EYS: variants seen among roughly 807,000 people sequenced by gnomAD.
EYS encodes protein eyes shut homolog.
In EYS, 250 loss-of-function variants were observed where a neutral mutation model predicts 282.1. That is an observed-to-expected ratio of 0.89 (90% CI 0.80 to 0.98). The LOEUF is 0.98. Ranked by LOEUF, EYS falls within the 50% of genes least tolerant of loss-of-function variation. The pLI is 0.00. For missense variants in EYS, 4,016 were observed against 3,709.0 expected (o/e 1.08, Z -2.15); for synonymous variants, 1,355 against 1,282.9 (o/e 1.06, Z -1.20).
intron 2 of EYS, among the ~76,000 whole-genome samples, chr6:65,513,586 T>G (rs1377887217): frequency 5.3e-5 from 8 of 150,776 alleles, no homozygotes; most frequent in Admixed American, 2.6e-4. Context: ...AAAAAGCTTA[T>G]CCACCATGAT....
intron 12 of EYS, among the ~76,000 whole-genome samples, chr6:65,094,374 G>C: frequency 6.8e-6 from 1 of 146,940 alleles, no homozygotes; most frequent in Non-Finnish European, 1.5e-5. Flanking sequence ...AGACCAACGG[G>C]ACCTAACAGA....
At chr6:64,303,476 G>T (rs1452575053) in intron 30 of EYS, among the ~76,000 whole-genome samples, 1 of 152,164 alleles carries the variant, frequency 6.6e-6, no homozygotes, top group Admixed American at 6.5e-5. Flanking sequence ...GGAGATACAA[G>T]AGTTCAGTCA....
intron 31 of EYS, among the ~76,000 whole-genome samples, chr6:64,132,644 C>T (rs562365463): frequency 6.6e-6 from 1 of 151,752 alleles, no homozygotes; most frequent in Non-Finnish European, 1.5e-5. Context: ...ATATCCACAA[C>T]CCAGCCTTAG....
intron 14 of EYS, among the ~76,000 whole-genome samples, chr6:64,992,098 A>C (rs1243364690): frequency 6.6e-6 from 1 of 151,868 alleles, no homozygotes; most frequent in Admixed American, 6.6e-5. Flanking sequence ...GCAACTCCCT[A>C]TTTTAGAACA....
intron 31 of EYS, among the ~76,000 whole-genome samples, chr6:64,186,947 G>A (rs1764964447): frequency 6.6e-6 from 1 of 152,064 alleles, no homozygotes; most frequent in Admixed American, 6.6e-5. Flanking sequence ...ACGCACTTGG[G>A]GAGCACACAC....
intron 30 of EYS, among the ~76,000 whole-genome samples, chr6:64,231,646 G>A (rs1766428541): frequency 6.6e-6 from 1 of 152,106 alleles, no homozygotes; most frequent in Non-Finnish European, 1.5e-5. Context: ...GGCCCAACAA[G>A]ATGAAACTGT....
At chr6:64,644,612 C>G (rs1582990728) in intron 22 of EYS, among the ~76,000 whole-genome samples, 1 of 152,036 alleles carries the variant, frequency 6.6e-6, no homozygotes, top group Non-Finnish European at 1.5e-5. Context: ...TTTAAATACA[C>G]TAATATCCAG....
intron 30 of EYS, among the ~76,000 whole-genome samples, chr6:64,268,154 T>C (rs1238563626): frequency 6.6e-6 from 1 of 152,046 alleles, no homozygotes; most frequent in Non-Finnish European, 1.5e-5. Flanking sequence ...TTATGTCACA[T>C]CCATAAAATT....
chr6:65,069,095 G>A (rs756201431), intron 12 of EYS, among the ~76,000 whole-genome samples: 1 of 151,840 alleles, frequency 6.6e-6, no homozygotes, highest in Admixed American at 6.6e-5. Flanking sequence ...TTTTCTTTCC[G>A]AAAATAAATG....
chr6:64,182,698 C>T lies in EYS; in HGVS notation c.6424+47894G>A, dbSNP rs935363061. On this transcript the variant is annotated intron_variant, in intron 31 of 42. Coordinates refer to ENST00000503581, the MANE Select transcript of EYS (RefSeq NM_001142800.2). ...TCAAGGAAAAAGACAAACATCTCAT[C>T]GGGTTGCTGTCTACCTCTTCAGCTT... Among the ~76,000 whole-genome samples, 8 of 152,212 alleles carry T rather than the reference C, an allele frequency of 5.3e-5. No homozygotes were observed. The East Asian group carries it at 5.8e-4, about 11-fold the overall frequency.
intron 26 of EYS, among the ~76,000 whole-genome samples, chr6:64,508,366 G>A (rs1248603240): frequency 6.6e-6 from 1 of 151,776 alleles, no homozygotes; most frequent in Non-Finnish European, 1.5e-5. Flanking sequence ...TATTTCCCTA[G>A]GGTCAAGAAT....
intron 22 of EYS, among the ~76,000 whole-genome samples, chr6:64,720,247 C>G (rs1223054212): frequency 6.6e-6 from 1 of 152,190 alleles, no homozygotes; most frequent in Non-Finnish European, 1.5e-5. Context: ...ACATCCTTCT[C>G]TAACCTCTGC....
At chr6:64,750,066 T>G (rs1029402758) in intron 22 of EYS, among the ~76,000 whole-genome samples, 2 of 152,226 alleles carry the variant, frequency 1.3e-5, no homozygotes, top group Admixed American at 1.3e-4. Context: ...GCAATTCATC[T>G]TTGCTTGGTT....
intron 35 of EYS, among the ~76,000 whole-genome samples, chr6:63,955,799 A>G (rs1765792113): frequency 6.6e-6 from 1 of 152,132 alleles, no homozygotes; most frequent in Non-Finnish European, 1.5e-5. Context: ...GGTGCTCTCT[A>G]ATAGGATGTC....
At chr6:65,205,082 T>A (rs989136657) in intron 12 of EYS, among the ~76,000 whole-genome samples, 25 of 145,458 alleles carry the variant, frequency 1.7e-4, no homozygotes, top group African/African-American at 6.0e-4. Flanking sequence ...AGAATATATT[T>A]ATATATTCTT....
At chr6:65,268,645 G>T (rs1269713443) in intron 12 of EYS, among the ~76,000 whole-genome samples, 1 of 151,946 alleles carries the variant, frequency 6.6e-6, no homozygotes, top group Non-Finnish European at 1.5e-5. Context: ...ATTTAACTTT[G>T]AACTTTTTAG....
Position 64,591,390 on chromosome 6 carries a change from G to C in EYS, c.4477C>G (p.Pro1493Ala). ...ATAATTACCTTAGCAGGAAAAATGG[G>C]AGACATCGAGGGGCTGAGCAATCTC... Reference protein sequence around the residue: ...HWRLLSPSMSPIFPAKVIISK... With the variant: ...HWRLLSPSMSAIFPAKVIISK... Residue 1493 changes from proline (P) to alanine (A), a missense_variant, in exon 26 of 43, where the codon CCC becomes GCC. Coordinates refer to ENST00000503581, the MANE Select transcript of EYS (RefSeq NM_001142800.2). The C allele has an allele frequency of 1.3e-6, 2 of 1,551,292 alleles. No individual in the cohort carries two copies. Among genetic ancestry groups the C allele is most frequent in the South Asian group, 1.2e-5 (1 of 84,056 alleles).
At chr6:64,203,535 T>C (rs1040048755) in intron 31 of EYS, among the ~76,000 whole-genome samples, 2 of 152,168 alleles carry the variant, frequency 1.3e-5, no homozygotes, top group African/African-American at 2.4e-5. Context: ...TGGAAGGCAA[T>C]GTAGCTCATG....
At chr6:65,556,077 T>C (rs1370407973) in intron 2 of EYS, among the ~76,000 whole-genome samples, 1 of 152,202 alleles carries the variant, frequency 6.6e-6, no homozygotes, top group Non-Finnish European at 1.5e-5. Flanking sequence ...TGCATATTGT[T>C]GCCCTCATTT....
Sources: allele counts gnomAD v4.1 joint callset (sites outside exome capture counted in the v4.1 genomes callset), GRCh38; gene constraint gnomAD v4.1.1; transcripts MANE v1.5; gene names NCBI Gene and HGNC (gene_info 2026-07-23, HGNC 2026-07-21).